HSP90AA1: variants seen among roughly 807,000 people sequenced by gnomAD.
HSP90AA1 encodes the protein heat shock protein 90 alpha family class A member 1, also known as heat shock protein HSP 90-alpha.
HSP90AA1 carries 18 observed loss-of-function variants against 73.3 expected under a neutral mutation model. The ratio of observed to expected loss-of-function variants is 0.25; its 90% CI spans 0.17 to 0.36. The LOEUF is 0.36. Ranked by LOEUF, HSP90AA1 falls within the 10% of genes least tolerant of loss-of-function variation. The pLI is 1.00. For missense variants in HSP90AA1, 704 were observed against 874.2 expected (o/e 0.81, Z 2.45); for synonymous variants, 477 against 296.9 (o/e 1.61, Z -6.24).
At chr14:102,111,941 T>C (rs1210746519) in intron 1 of HSP90AA1, among the ~76,000 whole-genome samples, 2 of 152,230 alleles carry the variant, frequency 1.3e-5, no homozygotes, top group Non-Finnish European at 2.9e-5. Flanking sequence ...ACATTTCTTC[T>C]CTCTGGAAGC....
rs191963911 is a variant in HSP90AA1 at position 102,125,168 on chromosome 14, A to T, written c.155+14082T>A. Among the ~76,000 whole-genome samples the T allele has an allele frequency of 1.6e-4, 25 of 151,892 alleles. No individual in the cohort carries two copies. In the Middle Eastern group the frequency reaches 0.01, roughly 62 times the overall value. On this transcript the variant is annotated intron_variant, in intron 1 of 11. Transcript: ENST00000334701. ...CACCATATCTAGTTAATTTTTATTT[A>T]TTTTTTGTAGAGATGGGGGCTCCTT...
chr14:102,085,768 CCT>C lies in HSP90AA1; in HGVS notation c.517_518del (p.Arg173AspfsTer5). The C allele has an allele frequency of 6.2e-7, 1 of 1,613,990 alleles. No homozygotes were observed. The highest frequency in any genetic ancestry group is 2.2e-5 in the East Asian group (1 of 44,890). ...TGTTCAGGTGCCTACCTGTGTCTGT[CCT>C]CACTGTGAATGATCCCCCTGCTGAG... is the stretch of plus-strand genomic sequence containing the variant. Reference protein sequence around the residue: ...ESSAGGSFTVRTDTGEPMGRG... With the variant: ...ESSAGGSFTVXTDTGEPMGRG... On this transcript the variant is annotated frameshift_variant, in exon 3 of 11. Transcript: ENST00000216281. LOFTEE classifies it high-confidence loss of function.
Position 102,118,254 on chromosome 14 carries a change from C to A in HSP90AA1, c.156-16169G>T, listed in dbSNP as rs547058622. Among the ~76,000 whole-genome samples, 12 of 152,280 alleles carry A rather than the reference C, an allele frequency of 7.9e-5. No homozygotes were observed. The East Asian group carries it at 1.9e-3, about 24-fold the overall frequency. ...GGTTTCTAGCCAGAAAAATGATAAC[C>A]CCTAAGGTCCTGCAACACTTATAGT... On this transcript the variant is annotated intron_variant, in intron 1 of 11. Transcript: ENST00000334701.
At chr14:102,082,925 A>G (rs10782495) in intron 9 of HSP90AA1, 109 bp downstream of exon 9, 1,053,134 of 1,196,234 alleles carry the variant, frequency 0.88, 465,901 homozygotes, top group Admixed American at 0.91. Context: ...AGCCACACAC[A>G]ACATAGTTTT....
upstream of HSP90AA1, among the ~76,000 whole-genome samples, chr14:102,090,513 G>A (rs1428808010): frequency 6.6e-6 from 1 of 150,996 alleles, no homozygotes; most frequent in Non-Finnish European, 1.5e-5. Context: ...GCAGTGGTGC[G>A]ATCTTGGCTT....
Position 102,085,956 on chromosome 14 carries a change from C to T in HSP90AA1, c.331G>A (p.Ala111Thr), listed in dbSNP as rs2152612994. ...ADLINNLGTI[A>T]KSGTKAFMEA... ...ATGAACGCTTTGGTCCCAGACTTGGCGATAGTACCAAGGTTATTGATCAAG... is the reference window on the plus strand; with the variant it reads ...ATGAACGCTTTGGTCCCAGACTTGGTGATAGTACCAAGGTTATTGATCAAG... Residue 111 changes from alanine (A) to threonine (T), a missense_variant, in exon 3 of 11, where the codon GCC becomes ACC. Coordinates refer to ENST00000216281, the MANE Select transcript of HSP90AA1 (RefSeq NM_005348.4). 6.2e-7 allele frequency: 1 copy of T among 1,613,868 alleles called. No homozygotes were observed. Among genetic ancestry groups the T allele is most frequent in the Non-Finnish European group, 8.5e-7 (1 of 1,179,786 alleles).
chr14:102,132,106 C>T (rs949146255), intron 1 of HSP90AA1, among the ~76,000 whole-genome samples: 6 of 152,206 alleles, frequency 3.9e-5, no homozygotes, highest in African/African-American at 1.2e-4. Context: ...TGGCGGCTCA[C>T]GCCTGTAATC....
At chr14:102,109,558 C>A (rs919078174) in intron 1 of HSP90AA1, among the ~76,000 whole-genome samples, 47 of 152,324 alleles carry the variant, frequency 3.1e-4, no homozygotes, top group African/African-American at 1.1e-3. Context: ...TGCCTTCTGC[C>A]ATGATTGTGA....
upstream of HSP90AA1, among the ~76,000 whole-genome samples, chr14:102,087,503 T>C (rs1251172184): frequency 1.3e-5 from 2 of 150,826 alleles, no homozygotes; most frequent in East Asian, 3.9e-4. Context: ...GGAGGGAGGG[T>C]CGTGCGTGGA....
rs1473268819 is a variant in HSP90AA1 at position 102,081,613 on chromosome 14, C to T, written c.*99G>A. The stretch of plus-strand genomic sequence containing the variant: ...TAAAGTAGTTGTCATGCCATACAGA[C>T]TTTTTAATATTAACAAAAATAAAGA... On this transcript the variant is annotated 3_prime_UTR_variant, in exon 11 of 11. Coordinates refer to ENST00000216281, the MANE Select transcript of HSP90AA1 (RefSeq NM_005348.4). 1 of 751,174 alleles carries T rather than the reference C, an allele frequency of 1.3e-6. No homozygotes were observed. The highest frequency in any genetic ancestry group is 2.5e-6 in the Non-Finnish European group (1 of 407,082). 46.5% of individuals were successfully genotyped at this position (751,174 alleles called of 1,614,324 possible). A position where few individuals can be genotyped will look rare whatever the true frequency, so the allele number is the denominator to read the frequency against.
At chr14:102,081,897 T>C (rs1448547426) in intron 10 of HSP90AA1, 76 bp from the exon 11 acceptor site, 8 of 829,638 alleles carry the variant, frequency 9.6e-6, no homozygotes, top group African/African-American at 1.7e-5. Context: ...TTGGTTTCTA[T>C]CTGCTTTCAA....
At chr14:102,082,842 G>A (rs34955331) in intron 9 of HSP90AA1, 192 bp downstream of exon 9, 27 of 642,078 alleles carry the variant, frequency 4.2e-5, no homozygotes, top group African/African-American at 1.3e-4. Context: ...GGATGGTCTC[G>A]ATCTCCTGAC....
intron 1 of HSP90AA1, among the ~76,000 whole-genome samples, chr14:102,110,714 G>A (rs866739231): frequency 2.7e-4 from 41 of 151,974 alleles, no homozygotes; most frequent in African/African-American, 7.2e-4. Context: ...CGAGCAGCTC[G>A]GACTACAGGT....
intron 2 of HSP90AA1, among the ~76,000 whole-genome samples, chr14:102,098,403 G>A (rs1169032926): frequency 6.7e-6 from 1 of 148,152 alleles, no homozygotes; most frequent in East Asian, 2.0e-4. Flanking sequence ...CTTGTGATCT[G>A]CCCGCCTCAG....
intron 1 of HSP90AA1, among the ~76,000 whole-genome samples, chr14:102,137,188 C>A (rs145394155): frequency 0.028 from 4,227 of 151,260 alleles, 148 homozygotes; most frequent in African/African-American, 0.083. Context: ...CTGCGGAGAG[C>A]TGAGACTGTG....
chr14:102,127,284 A>G (rs1203611390), intron 1 of HSP90AA1, among the ~76,000 whole-genome samples: 2 of 152,190 alleles, frequency 1.3e-5, no homozygotes, highest in African/African-American at 4.8e-5. Flanking sequence ...AGCTGCTTGG[A>G]TAAGCTGTTG....
chr14:102,120,535 G>C (rs1434746464), intron 1 of HSP90AA1, among the ~76,000 whole-genome samples: 1 of 152,036 alleles, frequency 6.6e-6, no homozygotes, highest in Non-Finnish European at 1.5e-5. Context: ...TTTAACACAA[G>C]AAAATAGATT....
At chr14:102,114,419 C>G (rs1233804620) in intron 1 of HSP90AA1, among the ~76,000 whole-genome samples, 1 of 152,162 alleles carries the variant, frequency 6.6e-6, no homozygotes, top group Non-Finnish European at 1.5e-5. Flanking sequence ...GATCTGAGCA[C>G]ATGGTTTACA....
exon 2 of HSP90AA1, chr14:102,101,991 G>T (rs1595668876): frequency 1.9e-6 from 3 of 1,614,144 alleles, no homozygotes; most frequent in Non-Finnish European, 1.7e-6. Flanking sequence ...TGGAAGGGCT[G>T]TTTCCAGAGA....
Sources: allele counts gnomAD v4.1 joint callset (sites outside exome capture counted in the v4.1 genomes callset), GRCh38; gene constraint gnomAD v4.1.1; transcripts MANE v1.5; gene names NCBI Gene and HGNC (gene_info 2026-07-23, HGNC 2026-07-21).